The following OSMR variants were observed in gnomAD, a reference collection of about 807,000 sequenced individuals.
The protein encoded by OSMR is oncostatin M receptor, also known as oncostatin-M-specific receptor subunit beta.
In OSMR, 81 loss-of-function variants were observed where a neutral mutation model predicts 99.9. The ratio of observed to expected loss-of-function variants is 0.81; its 90% CI spans 0.68 to 0.97. OSMR has a LOEUF of 0.97. Among genes scored for constraint, OSMR ranks in the 50% least tolerant of loss-of-function variants. OSMR has a pLI of 0.00. For synonymous variants in OSMR, 406 were observed against 410.4 expected (o/e 0.99, Z 0.13); for missense variants, 1,099 against 1,153.4 (o/e 0.95, Z 0.68).
chr5:38,934,689 G>A lies in OSMR; in HGVS notation c.*1245G>A, dbSNP rs963014127. 1 of 152,046 alleles carries A rather than the reference G, an allele frequency of 6.6e-6. No homozygotes were observed. Among genetic ancestry groups the A allele is most frequent in the African/African-American group, 2.4e-5 (1 of 41,388 alleles). The allele number at this position is 152,046 out of a possible 1,614,324, so 9.4% of individuals were successfully genotyped here. On this transcript the variant is annotated 3_prime_UTR_variant, in exon 18 of 18. Coordinates refer to ENST00000274276, the MANE Select transcript of OSMR (RefSeq NM_003999.3). ...CTGACTAGTTTTTATATTTTTAGTAGAGATTGGGTTTTACCATATTGGCCA... is the reference window on the plus strand; with the variant it reads ...CTGACTAGTTTTTATATTTTTAGTAAAGATTGGGTTTTACCATATTGGCCA...
In OSMR at chr5:38,878,446, T is replaced by C. The variant is rs530621430; in HGVS notation, c.246+2073T>C. ...TGCAGCTGGACCAGAGGCACCGACC[T>C]GTCTCCTGGATGGTACTGGCCATTT... On this transcript the variant is annotated intron_variant, in intron 3 of 17. Transcript: ENST00000274276. Among the ~76,000 whole-genome samples the C allele has an allele frequency of 2.0e-5, 3 of 152,302 alleles. No individual in the cohort carries two copies. The East Asian group carries it at 5.8e-4, about 29-fold the overall frequency.
At chr5:38,861,575 C>T (rs894488562) in intron 1 of OSMR, among the ~76,000 whole-genome samples, 2 of 152,260 alleles carry the variant, frequency 1.3e-5, no homozygotes, top group South Asian at 2.1e-4. Context: ...ACCTTTCCCC[C>T]CTCTCTATTC....
chr5:38,922,072 C>CAT (rs1746262929), intron 12 of OSMR, among the ~76,000 whole-genome samples: 1 of 152,098 alleles, frequency 6.6e-6, no homozygotes, highest in African/African-American at 2.4e-5. Flanking sequence ...GGCAGAAGGA[C>CAT]ATTATTATAA....
intron 15 of OSMR, among the ~76,000 whole-genome samples, chr5:38,927,264 C>T (rs538488203): frequency 6.6e-6 from 1 of 152,334 alleles, no homozygotes; most frequent in South Asian, 2.1e-4. Context: ...CCTCTTCTCA[C>T]AGCTCCACTA....
chr5:38,876,567 AG>A (rs1309192726), intron 3 of OSMR, among the ~76,000 whole-genome samples, 194 bp downstream of exon 3: 3 of 152,190 alleles, frequency 2.0e-5, no homozygotes, highest in Non-Finnish European at 4.4e-5. Context: ...TTGGTTTGGT[AG>A]GTAGGATGGG....
chr5:38,872,365 A>G (rs983056760), intron 2 of OSMR, among the ~76,000 whole-genome samples: 5 of 152,202 alleles, frequency 3.3e-5, no homozygotes, highest in African/African-American at 9.7e-5. Flanking sequence ...GCATTCAGCA[A>G]CCAATCGCTG....
At chr5:38,861,562 C>T (rs1443899753) in intron 1 of OSMR, among the ~76,000 whole-genome samples, 2 of 152,212 alleles carry the variant, frequency 1.3e-5, no homozygotes, top group East Asian at 3.9e-4. Context: ...CAATCTTTTC[C>T]CCACCTTTCC....
intron 7 of OSMR, among the ~76,000 whole-genome samples, chr5:38,897,225 A>G (rs187876367): frequency 3.3e-5 from 5 of 151,894 alleles, no homozygotes; most frequent in African/African-American, 1.2e-4. Flanking sequence ...AGTAGAATTG[A>G]TATTAGTTCT....
At chr5:38,928,845 TTTTAAA>T in intron 15 of OSMR, among the ~76,000 whole-genome samples, 1 of 152,166 alleles carries the variant, frequency 6.6e-6, no homozygotes, top group Admixed American at 6.5e-5. Flanking sequence ...TTGGAGTTAA[TTTTAAA>T]TTTATTTTCA....
chr5:38,934,436 T>C lies in OSMR; in HGVS notation c.*992T>C, dbSNP rs1746923593. ...ATTTAGATATAACTAAAAAGTTCTA[T>C]GAAGTGGGAAATTCCGTGTTGGCTC... On this transcript the variant is annotated 3_prime_UTR_variant, in exon 18 of 18. Coordinates refer to ENST00000274276, the MANE Select transcript of OSMR (RefSeq NM_003999.3). 6.6e-6 allele frequency: 1 copy of C among 152,228 alleles called. No individual in the cohort carries two copies. The highest frequency in any genetic ancestry group is 2.4e-5 in the African/African-American group (1 of 41,446). 9.4% of individuals were successfully genotyped at this position (152,228 alleles called of 1,614,324 possible). A position where few individuals can be genotyped will look rare whatever the true frequency, so the allele number is the denominator to read the frequency against.
At chr5:38,889,893 A>G (rs1185765706) in intron 7 of OSMR, among the ~76,000 whole-genome samples, 2 of 152,076 alleles carry the variant, frequency 1.3e-5, no homozygotes, top group Non-Finnish European at 2.9e-5. Flanking sequence ...GTTGGATATT[A>G]GTTCACAAAT....
chr5:38,936,286 C>CTGAG (rs1484322243), downstream of OSMR, among the ~76,000 whole-genome samples: 3 of 152,110 alleles, frequency 2.0e-5, no homozygotes, highest in Non-Finnish European at 4.4e-5. Flanking sequence ...ATGTCAATAT[C>CTGAG]TGAGTTCTCT....
At chr5:38,870,479 A>G (rs1261123288) in intron 2 of OSMR, among the ~76,000 whole-genome samples, 1 of 151,860 alleles carries the variant, frequency 6.6e-6, no homozygotes, top group Non-Finnish European at 1.5e-5. Context: ...TTACAGGCAC[A>G]CGCCACCACG....
chr5:38,854,808 G>C (rs1345015934), intron 1 of OSMR, among the ~76,000 whole-genome samples: 1 of 152,196 alleles, frequency 6.6e-6, no homozygotes, highest in Non-Finnish European at 1.5e-5. Flanking sequence ...CTGAAAAAGA[G>C]AGAGAAATGA....
intron 1 of OSMR, among the ~76,000 whole-genome samples, chr5:38,854,355 G>A (rs753141312): frequency 6.6e-6 from 1 of 152,222 alleles, no homozygotes; most frequent in Non-Finnish European, 1.5e-5. Context: ...AACAAGAAGT[G>A]TGGTGAGGAA....
downstream of OSMR, among the ~76,000 whole-genome samples, chr5:38,936,669 AGAT>A (rs1274463556): frequency 2.6e-5 from 4 of 152,216 alleles, no homozygotes; most frequent in African/African-American, 4.8e-5. Flanking sequence ...TTCTGTTGAA[AGAT>A]GATAAGCTTT....
intron 9 of OSMR, among the ~76,000 whole-genome samples, chr5:38,910,954 G>T (rs1745540472): frequency 1.3e-5 from 2 of 152,146 alleles, no homozygotes; most frequent in African/African-American, 4.8e-5. Context: ...AGGTTGCGGT[G>T]AGCTGAGATT....
Position 38,923,248 on chromosome 5 carries a change from G to A in OSMR, c.1864G>A (p.Glu622Lys). 1 of 1,579,744 alleles carries A rather than the reference G, an allele frequency of 6.3e-7. No homozygotes were observed. The highest frequency in any genetic ancestry group is 8.7e-7 in the Non-Finnish European group (1 of 1,149,042). ...AGAGAAAAAAACAGGATACTCTCAG[G>A]AACTTGGTAAGTTTAAAGCATGTAA... ...LLEKKTGYSQ[E>K]LAPSDNPHVL... The change falls in exon 13 of 18, where the codon GAA becomes AAA. Residue 622 changes from glutamate to lysine, a missense_variant. Physicochemically the swap from Glu to Lys is moderately conservative, Grantham distance 56. Transcript: ENST00000274276.
At chr5:38,847,146 G>C (rs1739909720) in intron 1 of OSMR, among the ~76,000 whole-genome samples, 1 of 152,208 alleles carries the variant, frequency 6.6e-6, no homozygotes, top group Non-Finnish European at 1.5e-5. Context: ...CTTAGTTTGA[G>C]CTAGAAGGAA....
Sources: allele counts gnomAD v4.1 joint callset (sites outside exome capture counted in the v4.1 genomes callset), GRCh38; gene constraint gnomAD v4.1.1; transcripts MANE v1.5; gene names NCBI Gene and HGNC (gene_info 2026-07-23, HGNC 2026-07-21).